The following APBB2 variants were observed in gnomAD, a reference collection of about 807,000 sequenced individuals.
APBB2 encodes the protein Fe65-like 1.
In APBB2, 38 loss-of-function variants were observed where a neutral mutation model predicts 82.5. The ratio of observed to expected loss-of-function variants is 0.46; its 90% CI spans 0.36 to 0.60. APBB2 has a LOEUF of 0.60. APBB2 is among the 20% of genes least tolerant of loss of function. The pLI is 0.00. For missense variants in APBB2, 772 were observed against 972.3 expected (o/e 0.79, Z 2.74); for synonymous variants, 341 against 368.2 (o/e 0.93, Z 0.85).
intron 12 of APBB2, chr4:40,881,524 T>A: frequency 4.9e-6 from 1 of 206,126 alleles, no homozygotes; most frequent in Non-Finnish European, 6.8e-6. Flanking sequence ...TTATCTTTTC[T>A]TTTCTTTTTC....
rs773397638 is a variant in APBB2 at position 40,893,436 on chromosome 4, GA to G, written c.1255-26del. The G allele has an allele frequency of 2.5e-6, 4 of 1,589,652 alleles. No individual in the cohort carries two copies. The East Asian group carries it at 9.1e-5, about 36-fold the overall frequency. ...ACTGGAAGACAGTGAAAGAGGACAA[GA>G]AGTCACTCCATGGTTTGGTCAATCA... is the stretch of plus-strand genomic sequence containing the variant. On this transcript the variant is annotated intron_variant, in intron 10 of 17. Coordinates refer to ENST00000508593, the MANE Select transcript of APBB2 (RefSeq NM_004307.2).
chr4:41,179,944 A>G (rs1478341688), intron 1 of APBB2, among the ~76,000 whole-genome samples: 1 of 152,268 alleles, frequency 6.6e-6, no homozygotes, highest in East Asian at 1.9e-4. Context: ...ACAAAATGGT[A>G]CTTGATAACG....
Position 41,033,319 on chromosome 4 carries a change from T to C in APBB2, c.-50-15A>G. On this transcript the variant is annotated splice_polypyrimidine_tract_variant and intron_variant, in intron 4 of 17. Transcript: ENST00000508593. ...TAATTTGAAATCTAAAAAGAAGGGA[T>C]CATTTGAGAAATTAAAACTCCAAAT... 6.7e-7 allele frequency: 1 copy of C among 1,500,710 alleles called. No individual in the cohort carries two copies. The highest frequency in any genetic ancestry group is 9.1e-7 in the Non-Finnish European group (1 of 1,104,768). The allele number at this position is 1,500,710 out of a possible 1,614,324, so 93.0% of individuals were successfully genotyped here. A position where few individuals can be genotyped will look rare whatever the true frequency, so the allele number is the denominator to read the frequency against.
intron 6 of APBB2, among the ~76,000 whole-genome samples, chr4:41,003,435 C>T (rs111362284): frequency 3.9e-5 from 6 of 152,116 alleles, no homozygotes; most frequent in African/African-American, 4.8e-5. Context: ...CATATACCCA[C>T]GAAAATTCAT....
chr4:40,893,148 A>C, intron 11 of APBB2, 117 bp downstream of exon 11: 8 of 1,258,596 alleles, frequency 6.4e-6, no homozygotes, highest in Non-Finnish European at 8.8e-6. Context: ...TAATGGGAAA[A>C]GGCACCTGAT....
chr4:40,955,946 T>C (rs1478059711), intron 6 of APBB2, among the ~76,000 whole-genome samples: 1 of 151,966 alleles, frequency 6.6e-6, no homozygotes, highest in African/African-American at 2.4e-5. Context: ...CGGCTAATTT[T>C]TGTATTTTTA....
intron 2 of APBB2, among the ~76,000 whole-genome samples, chr4:41,104,227 C>T: frequency 6.6e-6 from 1 of 152,184 alleles, no homozygotes; most frequent in Non-Finnish European, 1.5e-5. Flanking sequence ...TTTGTAACCT[C>T]CAAAAGAACG....
intron 10 of APBB2, among the ~76,000 whole-genome samples, chr4:40,929,265 A>G (rs116567116): frequency 0.018 from 2,734 of 152,270 alleles, 47 homozygotes; most frequent in Non-Finnish European, 0.027. Context: ...AGAGAGTTTC[A>G]GAGGAAATGT....
intron 6 of APBB2, among the ~76,000 whole-genome samples, chr4:40,999,827 A>T (rs922783409): frequency 6.6e-6 from 1 of 152,094 alleles, no homozygotes; most frequent in East Asian, 1.9e-4. Flanking sequence ...TACCACTAGT[A>T]TAAATAATTG....
rs1445691537 is a variant in APBB2, at chr4:41,056,184, A to AAAAT, written c.-51+9388_-51+9391dup. On this transcript the variant is annotated intron_variant, in intron 4 of 17. Transcript: ENST00000508593. ...AACAAGAGCTAAACTCCATCTCAAA[A>AAAAT]AAATAAATAAATAAATAAATATAAA... Among the ~76,000 whole-genome samples, 23 of 152,214 alleles carry AAAAT rather than the reference A, an allele frequency of 1.5e-4. No individual in the cohort carries two copies. The South Asian group carries it at 1.9e-3, about 12-fold the overall frequency.
chr4:40,816,197 C>A lies in APBB2; in HGVS notation c.2175G>T (p.Pro725=), dbSNP rs202161633. The change falls in exon 18 of 18, where the codon CCG becomes CCT. Residue 725 remains proline, a synonymous_variant. Coordinates refer to ENST00000508593, the MANE Select transcript of APBB2 (RefSeq NM_004307.2). The part of the protein sequence containing the change: ...PPSQKVRPPP[P]PADSVTRRVT... ...CTCTTCTGGTTACTGAATCTGCTGG[C>A]GGTGGAGGTGGTCGAACTTTCTGAG... 5.0e-6 allele frequency: 8 copies of A among 1,614,156 alleles called. No homozygotes were observed. The highest frequency in any genetic ancestry group is 5.9e-6 in the Non-Finnish European group (7 of 1,180,026).
chr4:41,072,041 G>A lies in APBB2; in HGVS notation c.-148-6368C>T, dbSNP rs1238210801. 5.9e-5 allele frequency among the ~76,000 whole-genome samples: 9 copies of A among 152,256 alleles called. No homozygotes were observed. The East Asian group carries it at 1.7e-3, about 29-fold the overall frequency. ...TTACTACTAAAGCACAGGGTGCAAT[G>A]AGAATCAAAAGGAAGAGACTGCTGA... On this transcript the variant is annotated intron_variant, in intron 3 of 17. Transcript: ENST00000508593.
At chr4:41,023,249 G>A (rs1712480246) in intron 5 of APBB2, among the ~76,000 whole-genome samples, 1 of 152,138 alleles carries the variant, frequency 6.6e-6, no homozygotes. Context: ...AATATGGGGG[G>A]CATGAGTTAG....
intron 16 of APBB2, 74 bp from the exon 17 acceptor site, chr4:40,822,124 T>C (rs1043252198): frequency 1.9e-5 from 29 of 1,548,886 alleles, no homozygotes; most frequent in Non-Finnish European, 2.4e-5. Flanking sequence ...ACATAGGAAC[T>C]GGCATTCAGA....
chr4:41,124,646 T>C (rs1580238229), intron 2 of APBB2, among the ~76,000 whole-genome samples: 1 of 152,224 alleles, frequency 6.6e-6, no homozygotes, highest in Admixed American at 6.5e-5. Flanking sequence ...CTGGCTATTT[T>C]TGTCTTGATA....
chr4:41,061,348 G>T (rs1579669516), intron 4 of APBB2, among the ~76,000 whole-genome samples: 2 of 152,334 alleles, frequency 1.3e-5, no homozygotes, highest in South Asian at 2.1e-4. Flanking sequence ...TCACCATGGA[G>T]TGTTCTTACA....
intron 4 of APBB2, among the ~76,000 whole-genome samples, chr4:41,050,626 G>A (rs1725596815): frequency 6.6e-6 from 1 of 151,992 alleles, no homozygotes; most frequent in African/African-American, 2.4e-5. Flanking sequence ...AACCATAGTC[G>A]AAGATAAAAA....
chr4:41,151,907 C>T (rs1352039062), intron 1 of APBB2, among the ~76,000 whole-genome samples: 3 of 151,958 alleles, frequency 2.0e-5, no homozygotes, highest in Non-Finnish European at 2.9e-5. Flanking sequence ...TTCATAAACT[C>T]TCTCTGGAAA....
At chr4:40,934,083 C>T (rs193182801) in intron 10 of APBB2, among the ~76,000 whole-genome samples, 54 of 152,330 alleles carry the variant, frequency 3.5e-4, no homozygotes, top group South Asian at 2.5e-3. Context: ...GCTCTGGTGG[C>T]GGTAGGTGGG....
Sources: gnomAD v4.1 joint callset for allele counts (sites outside exome capture counted in the v4.1 genomes callset) on GRCh38, gnomAD v4.1.1 for gene constraint, MANE v1.5 for transcripts, NCBI Gene and HGNC (gene_info 2026-07-23, HGNC 2026-07-21) for gene names.